Variants in ORC2 observed in about 807,000 individuals in gnomAD.
ORC2 encodes the protein origin recognition complex protein 2 homolog.
In ORC2, 37 loss-of-function variants were observed where a neutral mutation model predicts 77.7. The ratio of observed to expected loss-of-function variants is 0.48; its 90% confidence interval spans 0.37 to 0.63. The LOEUF (loss-of-function observed/expected upper bound fraction) is 0.63, where lower values mean the gene tolerates loss of function less well. Ranked by LOEUF, ORC2 falls within the 20% of genes least tolerant of loss-of-function variation. ORC2 has a pLI of 0.00. For missense variants in ORC2, 557 were observed against 661.9 expected (o/e 0.84, Z 1.74); for synonymous variants, 201 against 229.5 (o/e 0.88, Z 1.12).
chr2:200,928,553 C>T (rs1007640796), intron 11 of ORC2, among the ~76,000 whole-genome samples: 1 of 151,964 alleles, frequency 6.6e-6, no homozygotes, highest in African/African-American at 2.4e-5. Context: ...GTGGCTCACG[C>T]CTGTAATCCC....
rs201838527 is a variant in ORC2 at position 200,914,036 on chromosome 2, C to T, written c.1467-44G>A. The T allele has an allele frequency of 5.0e-4, 619 of 1,231,352 alleles. 1 individual carries two copies. The highest frequency in any genetic ancestry group is 6.1e-4 in the Non-Finnish European group (530 of 866,632). The allele number at this position is 1,231,352 out of a possible 1,614,324, so 76.3% of individuals were successfully genotyped here. On this transcript the variant is annotated intron_variant, in intron 15 of 17. Transcript: ENST00000234296. Reference sequence around the variant, plus strand: ...AGGAATTTAAATCCAAAAATGTTAACATCAAAAGGTAACAACTAATAGTAA... The same window carrying T: ...AGGAATTTAAATCCAAAAATGTTAATATCAAAAGGTAACAACTAATAGTAA...
At chr2:200,955,269 T>G (rs1322404965) in intron 4 of ORC2, among the ~76,000 whole-genome samples, 1 of 152,176 alleles carries the variant, frequency 6.6e-6, no homozygotes, top group African/African-American at 2.4e-5. Context: ...TTATTTAGAA[T>G]ATGCTCAAAA....
In ORC2 at chr2:200,934,361, C is replaced by A. The variant is rs1461363704; in HGVS notation, c.709-387G>T. 7.2e-5 allele frequency among the ~76,000 whole-genome samples: 11 copies of A among 151,944 alleles called. No individual in the cohort carries two copies. The East Asian group carries it at 2.1e-3, about 29-fold the overall frequency. On this transcript the variant is annotated intron_variant, in intron 9 of 17. Transcript: ENST00000234296. ...GAAGGGTCTCACTCTGTCACCCAGG[C>A]TGCAGTGTAGTGGTGCAAATACAGC... is the stretch of plus-strand genomic sequence containing the variant.
chr2:200,953,201 T>G (rs2041397312), intron 4 of ORC2, among the ~76,000 whole-genome samples: 1 of 149,114 alleles, frequency 6.7e-6, no homozygotes, highest in African/African-American at 2.5e-5. Context: ...TACATCAAAA[T>G]CAATCACTAC....
At chr2:200,948,002 G>A (rs1226162227) in intron 5 of ORC2, among the ~76,000 whole-genome samples, 10 of 151,578 alleles carry the variant, frequency 6.6e-5, no homozygotes, top group Admixed American at 4.6e-4. Flanking sequence ...TCCGCCTCCC[G>A]GGTTCACGCC....
intron 11 of ORC2, among the ~76,000 whole-genome samples, chr2:200,927,142 G>A (rs573977697): frequency 5.2e-4 from 79 of 151,860 alleles, no homozygotes; most frequent in Non-Finnish European, 9.7e-4. Flanking sequence ...CTGGAGTCCA[G>A]TGGCACTCTT....
chr2:200,960,128 C>T (rs1211317701), intron 1 of ORC2, among the ~76,000 whole-genome samples: 1 of 152,006 alleles, frequency 6.6e-6, no homozygotes, highest in African/African-American at 2.4e-5. Flanking sequence ...CTAGCTTCTG[C>T]CACCACGTCC....
chr2:200,916,993 C>CTT (rs1165127308), intron 15 of ORC2, among the ~76,000 whole-genome samples: 8,858 of 105,472 alleles, frequency 0.084, 927 homozygotes, highest in African/African-American at 0.19. Context: ...TGTGCCCCAC[C>CTT]TTTTTTTTTT....
chr2:200,955,648 G>A (rs1314060477), intron 4 of ORC2, among the ~76,000 whole-genome samples: 1 of 152,168 alleles, frequency 6.6e-6, no homozygotes, highest in East Asian at 1.9e-4. Context: ...AAGAAAATAT[G>A]TGGCATAGAG....
intron 7 of ORC2, among the ~76,000 whole-genome samples, chr2:200,939,044 G>GAA (rs199696935): frequency 3.1e-5 from 4 of 128,308 alleles, no homozygotes; most frequent in Non-Finnish European, 1.7e-5. Context: ...TCCTCAGGGG[G>GAA]AAAAAAAAAA....
intron 15 of ORC2, among the ~76,000 whole-genome samples, chr2:200,914,888 T>C (rs1167519681): frequency 2.0e-5 from 3 of 152,134 alleles, no homozygotes; most frequent in African/African-American, 7.2e-5. Context: ...CTGGGTATGC[T>C]GTTATCTCAA....
At chr2:200,949,282 G>A (rs1166017236) in intron 5 of ORC2, among the ~76,000 whole-genome samples, 1 of 150,950 alleles carries the variant, frequency 6.6e-6, no homozygotes, top group Admixed American at 6.6e-5. Flanking sequence ...ATTTTGGAGA[G>A]GACTAAAGAA....
At chr2:200,943,305 G>A (rs1054758928) in intron 5 of ORC2, 3 of 151,782 alleles carry the variant, frequency 2.0e-5, no homozygotes, top group Non-Finnish European at 2.9e-5. Context: ...TTCTTCAACC[G>A]AGAATAAATG....
At chr2:200,941,367 G>T (rs2041149259) in intron 6 of ORC2, 88 bp from the exon 7 acceptor site, 1 of 1,214,910 alleles carries the variant, frequency 8.2e-7, no homozygotes, top group Non-Finnish European at 1.2e-6. Flanking sequence ...AGTTTGCCAG[G>T]CATGGTGGCT....
In ORC2 at chr2:200,924,487, C is replaced by T. The variant is rs550264774; in HGVS notation, c.1147+1349G>A. The stretch of plus-strand genomic sequence containing the variant: ...ACTAAAGAACATGCTAGAATATTGA[C>T]AAGATAAAAGTACTACGGAACAGAG... On this transcript the variant is annotated intron_variant, in intron 13 of 17. Coordinates refer to ENST00000234296, the MANE Select transcript of ORC2 (RefSeq NM_006190.5). Among the ~76,000 whole-genome samples, 18 of 152,128 alleles carry T rather than the reference C, an allele frequency of 1.2e-4. No individual in the cohort carries two copies. The South Asian group carries it at 3.5e-3, about 30-fold the overall frequency.
chr2:200,911,191 G>C lies in ORC2; in HGVS notation c.*110C>G, dbSNP rs2040544416. On this transcript the variant is annotated 3_prime_UTR_variant, in exon 18 of 18. Transcript: ENST00000234296. ...CCCCCCCTTCCCAAATTTAAATCTT[G>C]TATGCTGGAAAAATAATTTAATGTC... 1.0e-5 allele frequency: 7 copies of C among 692,306 alleles called. No individual in the cohort carries two copies. Among genetic ancestry groups the C allele is most frequent in the Non-Finnish European group, 1.8e-5 (7 of 394,302 alleles). The allele number at this position is 692,306 out of a possible 1,614,324, so 42.9% of individuals were successfully genotyped here.
chr2:200,915,313 T>C (rs1440902964), intron 15 of ORC2, among the ~76,000 whole-genome samples: 1 of 151,334 alleles, frequency 6.6e-6, no homozygotes, highest in African/African-American at 2.5e-5. Context: ...CAAGTTTTTC[T>C]TTTCTTTTTT....
At chr2:200,912,528 ACCT>A (rs1230279501) in intron 17 of ORC2, among the ~76,000 whole-genome samples, 1 of 151,032 alleles carries the variant, frequency 6.6e-6, no homozygotes, top group Non-Finnish European at 1.5e-5. Flanking sequence ...TGATCCTCCC[ACCT>A]CAGCCTCCTG....
chr2:200,918,533 G>T (rs1163510595), intron 15 of ORC2, among the ~76,000 whole-genome samples: 1 of 150,044 alleles, frequency 6.7e-6, no homozygotes. Flanking sequence ...CTGTCACCCA[G>T]GCTGGAGTGC....
Sources: allele counts gnomAD v4.1 joint callset (sites outside exome capture counted in the v4.1 genomes callset), GRCh38; gene constraint gnomAD v4.1.1; transcripts MANE v1.5; gene names NCBI Gene and HGNC (gene_info 2026-07-23, HGNC 2026-07-21).